SUGCT: variants seen among roughly 807,000 people sequenced by gnomAD.
The protein encoded by SUGCT is succinyl-CoA:glutarate CoA-transferase.
In SUGCT, 41 loss-of-function variants were observed where a neutral mutation model predicts 55.0. That is an observed-to-expected ratio of 0.74 (90% CI 0.58 to 0.97). The LOEUF is 0.97. Among genes scored for constraint, SUGCT ranks in the 50% least tolerant of loss-of-function variants. The pLI, the probability that SUGCT is intolerant of heterozygous loss-of-function variation, is 0.00. For missense variants in SUGCT, 568 were observed against 547.8 expected (o/e 1.04, Z -0.37); for synonymous variants, 187 against 200.4 (o/e 0.93, Z 0.56).
chr7:40,490,389 C>G lies in SUGCT; in HGVS notation c.987-5895C>G, dbSNP rs147406916. Among the ~76,000 whole-genome samples, 154 of 152,188 alleles carry G rather than the reference C, an allele frequency of 1.0e-3. 2 individuals carry two copies. The highest frequency in any genetic ancestry group is 3.4e-3 in the African/African-American group (143 of 41,546). ...ACTCTCAAAATTTCTCATGAGATCT[C>G]GGAATGGTGGGGAACCTGAATGTCT... On this transcript the variant is annotated intron_variant, in intron 11 of 13. Transcript: ENST00000335693.
chr7:41,037,639 G>A, the SUGCT span, among the ~76,000 whole-genome samples: 1 of 151,776 alleles, frequency 6.6e-6, no homozygotes, highest in East Asian at 1.9e-4. Context: ...GAGGCCTTCT[G>A]GAATCAGCTT....
intron 9 of SUGCT, among the ~76,000 whole-genome samples, chr7:40,383,607 A>C (rs556177496): frequency 1.3e-5 from 2 of 152,246 alleles, no homozygotes; most frequent in Non-Finnish European, 2.9e-5. Flanking sequence ...ATCTGAATTT[A>C]GAGAGTAACA....
At chr7:40,494,975 G>A (rs1027313420) in intron 11 of SUGCT, among the ~76,000 whole-genome samples, 3 of 151,772 alleles carry the variant, frequency 2.0e-5, no homozygotes, top group African/African-American at 4.8e-5. Flanking sequence ...GCGATGGTGC[G>A]ACCTCACTCA....
the SUGCT span, among the ~76,000 whole-genome samples, chr7:40,949,254 T>A: frequency 6.6e-6 from 1 of 152,372 alleles, no homozygotes; most frequent in African/African-American, 2.4e-5. Flanking sequence ...AAATGTCTTC[T>A]TTTGAGAAGT....
rs1387084994 is a variant in SUGCT, at chr7:40,415,108, CTATCTATA to C, written c.817-34176_817-34169del. On this transcript the variant is annotated intron_variant, in intron 9 of 13. Transcript: ENST00000335693. ...TCTATCTATCTATCTATCTATCTAT[CTATCTATA>C]TAAAATTAGCGGGGCGTGGTGGCAG... 5.6e-4 allele frequency among the ~76,000 whole-genome samples: 33 copies of C among 58,554 alleles called. No individual in the cohort carries two copies. The Middle Eastern group carries it at 0.041, about 72-fold the overall frequency. The allele number at this position is 58,554 out of a possible 152,430, so 38.4% of individuals were successfully genotyped here. A position where few individuals can be genotyped will look rare whatever the true frequency, so the allele number is the denominator to read the frequency against.
chr7:40,943,835 G>A, the SUGCT span, among the ~76,000 whole-genome samples: 3 of 151,822 alleles, frequency 2.0e-5, no homozygotes, highest in Admixed American at 6.6e-5. Context: ...TCTAGTTCTA[G>A]ATCCCTGAGG....
At chr7:40,833,044 C>T (rs568158995) in intron 13 of SUGCT, among the ~76,000 whole-genome samples, 2 of 152,146 alleles carry the variant, frequency 1.3e-5, no homozygotes, top group African/African-American at 2.4e-5. Context: ...GGGCCATCAT[C>T]CCTTGACAGG....
chr7:40,338,059 G>A (rs1282311302), intron 9 of SUGCT, among the ~76,000 whole-genome samples: 1 of 152,144 alleles, frequency 6.6e-6, no homozygotes, highest in East Asian at 1.9e-4. Flanking sequence ...TTTTCTTTAA[G>A]AATGTTGAAT....
the SUGCT span, among the ~76,000 whole-genome samples, chr7:41,034,318 G>C: frequency 8.7e-4 from 132 of 152,298 alleles, no homozygotes; most frequent in African/African-American, 3.1e-3. Context: ...GTGTGGTCGA[G>C]AGAATTCTCA....
intron 13 of SUGCT, among the ~76,000 whole-genome samples, chr7:40,781,198 G>C (rs1164319114): frequency 6.6e-6 from 1 of 152,078 alleles, no homozygotes; most frequent in African/African-American, 2.4e-5. Context: ...ACCCAAGATA[G>C]TTATTCTCAA....
At chr7:40,480,836 G>A (rs1267809181) in intron 11 of SUGCT, among the ~76,000 whole-genome samples, 2 of 152,034 alleles carry the variant, frequency 1.3e-5, no homozygotes, top group South Asian at 2.1e-4. Context: ...GCCCGGAGAG[G>A]TAGTGATCTA....
intron 13 of SUGCT, among the ~76,000 whole-genome samples, chr7:40,799,487 A>G (rs1209781457): frequency 1.3e-5 from 2 of 152,166 alleles, no homozygotes; most frequent in African/African-American, 2.4e-5. Context: ...GAGTAAAAGG[A>G]TAGACAAGGG....
chr7:40,878,360 C>T, the SUGCT span, among the ~76,000 whole-genome samples: 3 of 152,256 alleles, frequency 2.0e-5, no homozygotes, highest in Non-Finnish European at 2.9e-5. Context: ...AATTATATAG[C>T]GATTCTTCAT....
chr7:41,001,339 A>G, the SUGCT span, among the ~76,000 whole-genome samples: 1 of 152,138 alleles, frequency 6.6e-6, no homozygotes, highest in African/African-American at 2.4e-5. Context: ...AAGTGAAGAG[A>G]GAGGACACTA....
chr7:40,325,204 CTTTT>C (rs1237921834), intron 9 of SUGCT, among the ~76,000 whole-genome samples: 2 of 147,076 alleles, frequency 1.4e-5, no homozygotes, highest in African/African-American at 5.0e-5. Flanking sequence ...GAATCTTTTT[CTTTT>C]TTTTTCTTAA....
At chr7:40,770,133 T>C (rs912545138) in intron 13 of SUGCT, among the ~76,000 whole-genome samples, 8 of 152,202 alleles carry the variant, frequency 5.3e-5, no homozygotes, top group Non-Finnish European at 1.0e-4. Flanking sequence ...TCAAGTTTCT[T>C]GAAAACACCA....
intron 13 of SUGCT, among the ~76,000 whole-genome samples, chr7:40,759,289 T>C (rs1373603156): frequency 6.6e-6 from 1 of 152,238 alleles, no homozygotes; most frequent in Non-Finnish European, 1.5e-5. Context: ...CTGTGCTGCA[T>C]TTAACTATAT....
At chr7:40,229,973 T>C (rs1414310801) in intron 6 of SUGCT, among the ~76,000 whole-genome samples, 1 of 152,232 alleles carries the variant, frequency 6.6e-6, no homozygotes, top group Non-Finnish European at 1.5e-5. Flanking sequence ...TATTGCATTT[T>C]ATTCTCCTTT....
At chr7:40,512,423 A>G (rs532312907) in intron 12 of SUGCT, among the ~76,000 whole-genome samples, 2 of 152,208 alleles carry the variant, frequency 1.3e-5, no homozygotes, top group Non-Finnish European at 2.9e-5. Flanking sequence ...TTCTAGAACC[A>G]CAGAATACTT....
Sources: allele counts gnomAD v4.1 joint callset (sites outside exome capture counted in the v4.1 genomes callset), GRCh38; gene constraint gnomAD v4.1.1; transcripts MANE v1.5; gene names NCBI Gene and HGNC (gene_info 2026-07-23, HGNC 2026-07-21).